Variants in FAM222A observed in about 807,000 individuals in gnomAD.
The protein encoded by FAM222A is family with sequence similarity 222 member A.
FAM222A carries 7 observed loss-of-function variants against 25.8 expected under a neutral mutation model. The ratio of observed to expected loss-of-function variants is 0.27; its 90% CI spans 0.15 to 0.51. FAM222A has a LOEUF of 0.51. FAM222A is among the 20% of genes least tolerant of loss of function. The pLI is 0.97. For synonymous variants in FAM222A, 294 were observed against 298.8 expected, an observed-to-expected ratio of 0.98 and a Z score of 0.17; for missense variants, 573 against 640.5, an observed-to-expected ratio of 0.89 and a Z score of 1.14.
chr12:109,724,744 C>T (rs896878678), intron 1 of FAM222A, among the ~76,000 whole-genome samples: 17 of 152,282 alleles, frequency 1.1e-4, no homozygotes, highest in Admixed American at 7.8e-4. Flanking sequence ...TGCTTGTCAT[C>T]TCTCTTCCCT....
At chr12:109,755,287 C>CTTTTTTTTTTTTTT (rs540689300) in intron 2 of FAM222A, among the ~76,000 whole-genome samples, 1 of 49,384 alleles carries the variant, frequency 2.0e-5, no homozygotes, top group Non-Finnish European at 3.4e-5. Context: ...TGTAATTCTT[C>CTTTTTTTTTTTTTT]TTTTTTTTTT....
chr12:109,753,502 G>A (rs2136362488), intron 2 of FAM222A, among the ~76,000 whole-genome samples: 1 of 152,102 alleles, frequency 6.6e-6, no homozygotes, highest in East Asian at 1.9e-4. Flanking sequence ...GGAATGGAAG[G>A]AGAGGACCCC....
Position 109,731,816 on chromosome 12 carries a change from G to T in FAM222A, c.-46-12285G>T, listed in dbSNP as rs1003739601. 2.6e-5 allele frequency among the ~76,000 whole-genome samples: 4 copies of T among 152,292 alleles called. No individual in the cohort carries two copies. In the East Asian group the frequency reaches 7.7e-4, roughly 29 times the overall value. On this transcript the variant is annotated intron_variant, in intron 1 of 2. Coordinates refer to ENST00000538780, the MANE Select transcript of FAM222A (RefSeq NM_032829.3). ...GGTGGCAAACTACAGTGAAAAGAGCGGGGAGAGACCCCGAACTGTGAACCC... is the reference window on the plus strand; with the variant it reads ...GGTGGCAAACTACAGTGAAAAGAGCTGGGAGAGACCCCGAACTGTGAACCC...
chr12:109,721,063 G>A (rs1386314257), intron 1 of FAM222A, among the ~76,000 whole-genome samples: 1 of 152,208 alleles, frequency 6.6e-6, no homozygotes, highest in African/African-American at 2.4e-5. Flanking sequence ...GTGCCAGACT[G>A]AGTTTCCTAC....
chr12:109,728,995 A>C (rs978573317), intron 1 of FAM222A, among the ~76,000 whole-genome samples: 3 of 151,016 alleles, frequency 2.0e-5, no homozygotes, highest in Non-Finnish European at 4.4e-5. Context: ...AGAGGCTCAG[A>C]CAGCCAGGTA....
intron 1 of FAM222A, among the ~76,000 whole-genome samples, chr12:109,729,770 C>T (rs1255774417): frequency 6.6e-6 from 1 of 152,234 alleles, no homozygotes; most frequent in Non-Finnish European, 1.5e-5. Context: ...CAGCTTGTCC[C>T]CAAACCTGAC....
In FAM222A at chr12:109,768,490, G is replaced by A. The variant is rs976410155; in HGVS notation, c.561G>A (p.Arg187=). ...CCTCCGTCATCCCCCTGCCGGGCCG[G>A]GGCCTGCCCCTGCCACCTTCCAACC... ...TAASVIPLPG[R]GLPLPPSNLP... is the part of the protein sequence containing the mutation. Residue 187 remains arginine, a synonymous_variant, in exon 3 of 3, where the codon CGG becomes CGA. Coordinates refer to ENST00000538780, the MANE Select transcript of FAM222A (RefSeq NM_032829.3). 1 of 1,604,554 alleles carries A rather than the reference G, an allele frequency of 6.2e-7. No individual in the cohort carries two copies. The highest frequency in any genetic ancestry group is 8.5e-7 in the Non-Finnish European group (1 of 1,178,780).
intron 2 of FAM222A, among the ~76,000 whole-genome samples, chr12:109,763,574 C>T (rs1462102832): frequency 2.6e-5 from 4 of 152,346 alleles, no homozygotes; most frequent in Non-Finnish European, 5.9e-5. Flanking sequence ...ACATGGGCCT[C>T]TTTCTCCATG....
At chr12:109,718,605 G>A (rs952250003) in intron 1 of FAM222A, among the ~76,000 whole-genome samples, 8 of 152,232 alleles carry the variant, frequency 5.3e-5, no homozygotes, top group Non-Finnish European at 1.2e-4. Flanking sequence ...GCTTTATTGT[G>A]TTAACCCATT....
intron 2 of FAM222A, among the ~76,000 whole-genome samples, chr12:109,747,395 C>T (rs967462477): frequency 6.6e-6 from 1 of 152,076 alleles, no homozygotes; most frequent in African/African-American, 2.4e-5. Context: ...GTGCCCAGCC[C>T]TATAGTACAT....
At chr12:109,749,745 T>G (rs954875028) in intron 2 of FAM222A, among the ~76,000 whole-genome samples, 8 of 152,238 alleles carry the variant, frequency 5.3e-5, no homozygotes, top group Non-Finnish European at 1.0e-4. Context: ...TTTTGAATGG[T>G]GATGCAATGT....
At chr12:109,715,585 C>T (rs1887627494) in intron 1 of FAM222A, among the ~76,000 whole-genome samples, 1 of 152,128 alleles carries the variant, frequency 6.6e-6, no homozygotes, top group African/African-American at 2.4e-5. Flanking sequence ...TGAAGGCGGA[C>T]TCCCCCCACC....
In FAM222A at chr12:109,768,664, G is replaced by T; in HGVS notation, c.735G>T (p.Ser245=). 1 of 1,596,308 alleles carries T rather than the reference G, an allele frequency of 6.3e-7. No homozygotes were observed. The highest frequency in any genetic ancestry group is 8.5e-7 in the Non-Finnish European group (1 of 1,177,220). The change falls in exon 3 of 3, where the codon TCG becomes TCT. Residue 245 remains serine (S), a synonymous_variant. Transcript: ENST00000538780. ...CCAGCTTCCCCAGCATGGCCTACTC[G>T]GCTGCAGCCGGTCTGCCCGACTGCC... ...PVPSFPSMAY[S]AAAGLPDCRK... is the part of the protein sequence containing the mutation.
At chr12:109,744,972 A>G (rs952767339) in intron 2 of FAM222A, among the ~76,000 whole-genome samples, 4 of 152,042 alleles carry the variant, frequency 2.6e-5, no homozygotes, top group African/African-American at 9.7e-5. Context: ...CTTCTGTGCT[A>G]TAGCCCAGGA....
intron 1 of FAM222A, chr12:109,743,850 C>T (rs1409290267): frequency 5.1e-6 from 5 of 985,246 alleles, no homozygotes; most frequent in African/African-American, 3.5e-5. Context: ...CGAGCAGGGC[C>T]GGGGCATGTG....
Position 109,768,019 on chromosome 12 carries a change from G to A in FAM222A, c.90G>A (p.Ala30=), listed in dbSNP as rs201862690. The A allele has an allele frequency of 9.1e-5, 147 of 1,612,190 alleles. No homozygotes were observed. In the East Asian group the frequency reaches 2.1e-3, roughly 23 times the overall value. Residue 30 remains alanine (A), a synonymous_variant, in exon 3 of 3, where the codon GCG becomes GCA. Transcript: ENST00000538780. ...SKSLELRKCE[A]VASAMHSSRY... ...CCTGCTTTCCTCCCACAGGCGAGGC[G>A]GTGGCCAGCGCCATGCATTCCTCCC...
At chr12:109,743,667 C>T (rs902526826) in intron 1 of FAM222A, among the ~76,000 whole-genome samples, 19 of 152,198 alleles carry the variant, frequency 1.2e-4, no homozygotes, top group African/African-American at 4.3e-4. Flanking sequence ...TGGCATTTCC[C>T]GAGCACCCCT....
chr12:109,724,278 G>T (rs558612044), intron 1 of FAM222A, among the ~76,000 whole-genome samples: 1 of 152,270 alleles, frequency 6.6e-6, no homozygotes, highest in East Asian at 1.9e-4. Context: ...ACTATGCATG[G>T]CCTGTGAGAC....
At chr12:109,722,573 C>A (rs772241838) in intron 1 of FAM222A, 1 of 152,252 alleles carries the variant, frequency 6.6e-6, no homozygotes, top group Non-Finnish European at 1.5e-5. Flanking sequence ...GTCCTCCTCT[C>A]CAGGCAAAGT....
Sources: gnomAD v4.1 joint callset for allele counts (sites outside exome capture counted in the v4.1 genomes callset) on GRCh38, gnomAD v4.1.1 for gene constraint, MANE v1.5 for transcripts, NCBI Gene and HGNC (gene_info 2026-07-23, HGNC 2026-07-21) for gene names.